The following GSR variants were observed in gnomAD, a reference collection of about 807,000 sequenced individuals.
The protein encoded by GSR is glutathione reductase, mitochondrial.
GSR carries 48 observed loss-of-function variants against 56.5 expected under a neutral mutation model. The ratio of observed to expected loss-of-function variants is 0.85; its 90% CI spans 0.67 to 1.08. The LOEUF (loss-of-function observed/expected upper bound fraction) is 1.08, where lower values mean the gene tolerates loss of function less well. Ranked by LOEUF, GSR falls within the 50% of genes least tolerant of loss-of-function variation. GSR has a pLI of 0.00. For missense variants in GSR, 694 were observed against 703.3 expected, an observed-to-expected ratio of 0.99 and a Z score of 0.15; for synonymous variants, 264 against 270.8, an observed-to-expected ratio of 0.97 and a Z score of 0.25.
intron 1 of GSR, among the ~76,000 whole-genome samples, chr8:30,721,632 G>A (rs1208542374): frequency 6.7e-6 from 1 of 149,568 alleles, no homozygotes; most frequent in Non-Finnish European, 1.5e-5. Flanking sequence ...CAGCCAGGGT[G>A]ACAGAGTGAG....
intron 1 of GSR, among the ~76,000 whole-genome samples, chr8:30,726,615 A>C (rs1804734741): frequency 6.6e-6 from 1 of 151,984 alleles, no homozygotes; most frequent in Non-Finnish European, 1.5e-5. Flanking sequence ...ATAATAATTA[A>C]CTAGGCGTGG....
Position 30,700,083 on chromosome 8 carries a change from G to C in GSR, c.693C>G (p.Pro231=). 1 of 1,611,938 alleles carries C rather than the reference G, an allele frequency of 6.2e-7. No homozygotes were observed. The highest frequency in any genetic ancestry group is 8.5e-7 in the Non-Finnish European group (1 of 1,178,080). ...SDGFFQLEEL[P]GRSVIVGAGY... is the part of the protein sequence containing the mutation. ...GAGGTCAGGTCAGGTTGGCTTACCC[G>C]GGCAATTCTTCCAGCTGAAAAAATC... is the stretch of plus-strand genomic sequence containing the variant. Residue 231 remains proline, a splice_region_variant and synonymous_variant, in exon 6 of 13, where the codon CCC becomes CCG. Coordinates refer to ENST00000221130, the MANE Select transcript of GSR (RefSeq NM_000637.5).
At chr8:30,712,210 T>C (rs1340227078) in intron 1 of GSR, 122 bp from the exon 2 acceptor site, 1 of 599,830 alleles carries the variant, frequency 1.7e-6, no homozygotes, top group Non-Finnish European at 3.1e-6. Flanking sequence ...AGTCACAGTG[T>C]ACTAAATTCT....
At chr8:30,722,838 T>C (rs891793361) in intron 1 of GSR, among the ~76,000 whole-genome samples, 3 of 152,058 alleles carry the variant, frequency 2.0e-5, no homozygotes, top group African/African-American at 7.2e-5. Context: ...GGTTATGATT[T>C]ACATGTTGCT....
chr8:30,690,939 G>A (rs2128740688), intron 8 of GSR, among the ~76,000 whole-genome samples: 1 of 152,078 alleles, frequency 6.6e-6, no homozygotes, highest in Admixed American at 6.6e-5. Context: ...ATGGTGGCAT[G>A]CACCTGTAGA....
chr8:30,716,588 G>T (rs900382420), intron 1 of GSR, among the ~76,000 whole-genome samples: 1 of 151,630 alleles, frequency 6.6e-6, no homozygotes, highest in South Asian at 2.1e-4. Context: ...CAGGTGGATC[G>T]CTTGAGGCCA....
chr8:30,712,903 C>T (rs995295928), intron 1 of GSR, among the ~76,000 whole-genome samples: 2 of 152,246 alleles, frequency 1.3e-5, no homozygotes, highest in East Asian at 1.9e-4. Flanking sequence ...TGTAGAAAAG[C>T]GAAATGCACA....
At chr8:30,686,410 G>A (rs916438201) in intron 9 of GSR, among the ~76,000 whole-genome samples, 3 of 151,948 alleles carry the variant, frequency 2.0e-5, no homozygotes, top group African/African-American at 7.3e-5. Context: ...TATAGGCTGG[G>A]TGCAATGGCT....
chr8:30,726,357 T>C (rs1563549010), intron 1 of GSR, among the ~76,000 whole-genome samples: 1 of 152,212 alleles, frequency 6.6e-6, no homozygotes, highest in South Asian at 2.1e-4. Flanking sequence ...CAAAGGAATT[T>C]AGAGAACCTA....
chr8:30,716,486 T>G (rs371000682), intron 1 of GSR, among the ~76,000 whole-genome samples: 3 of 152,322 alleles, frequency 2.0e-5, no homozygotes, highest in African/African-American at 7.2e-5. Flanking sequence ...ATGACATGAC[T>G]TCAGCGCCTC....
At chr8:30,699,719 C>T (rs1803664646) in intron 6 of GSR, among the ~76,000 whole-genome samples, 2 of 151,934 alleles carry the variant, frequency 1.3e-5, no homozygotes, top group African/African-American at 2.4e-5. Context: ...GCTAGGATTA[C>T]AGCCATGAGC....
chr8:30,695,431 A>C (rs1407590758), intron 7 of GSR, among the ~76,000 whole-genome samples: 4 of 151,802 alleles, frequency 2.6e-5, no homozygotes, highest in Non-Finnish European at 4.4e-5. Flanking sequence ...ATGGGGTTTC[A>C]CCATGTTGGC....
intron 1 of GSR, among the ~76,000 whole-genome samples, chr8:30,722,929 C>A (rs1804598452): frequency 6.6e-6 from 1 of 152,164 alleles, no homozygotes; most frequent in African/African-American, 2.4e-5. Context: ...CCCTACCTCT[C>A]TCTCCCCTAG....
In GSR at chr8:30,708,677, C is replaced by T. The variant is rs1425314632; in HGVS notation, c.423-536G>A. Among the ~76,000 whole-genome samples, 3 of 152,232 alleles carry T rather than the reference C, an allele frequency of 2.0e-5. No individual in the cohort carries two copies. The East Asian group carries it at 5.8e-4, about 29-fold the overall frequency. ...ACAATAACCAAAAGGTAAAAACAGGCCGGGCGCGGTGGCTCACGCCTGTAA... is the reference window on the plus strand; with the variant it reads ...ACAATAACCAAAAGGTAAAAACAGGTCGGGCGCGGTGGCTCACGCCTGTAA... On this transcript the variant is annotated intron_variant, in intron 3 of 12. Transcript: ENST00000221130.
At chr8:30,698,172 ATTAC>A (rs1370452196) in intron 6 of GSR, among the ~76,000 whole-genome samples, 2 of 152,308 alleles carry the variant, frequency 1.3e-5, no homozygotes, top group East Asian at 1.9e-4. Flanking sequence ...TTGCCCAGTT[ATTAC>A]TTATTCACCA....
chr8:30,705,641 AG>A (rs1803895302), intron 4 of GSR, among the ~76,000 whole-genome samples: 1 of 152,114 alleles, frequency 6.6e-6, no homozygotes, highest in Admixed American at 6.6e-5. Context: ...CTGAGGTGGG[AG>A]GATTGCTTGA....
At position 30,727,768 on chromosome 8, in the gene GSR, A is replaced by G; in HGVS notation, c.68T>C (p.Phe23Ser). The change falls in exon 1 of 13, where the codon TTC becomes TCC. Residue 23 changes from phenylalanine (F) to serine (S), a missense_variant. Coordinates refer to ENST00000221130, the MANE Select transcript of GSR (RefSeq NM_000637.5). Reference protein sequence around the residue: ...GPSWRRAARAFRGFLLLLPEP... With the variant: ...GPSWRRAARASRGFLLLLPEP... ...GGGCAGAAGCAGCAGGAAGCCTCGG[A>G]AGGCGCGCGCCGCCCGCCGCCAGCT... The G allele has an allele frequency of 6.6e-6, 9 of 1,369,312 alleles. No homozygotes were observed. The highest frequency in any genetic ancestry group is 8.5e-6 in the Non-Finnish European group (9 of 1,061,096). The allele number at this position is 1,369,312 out of a possible 1,614,324, so 84.8% of individuals were successfully genotyped here. A position where few individuals can be genotyped will look rare whatever the true frequency, so the allele number is the denominator to read the frequency against.
chr8:30,717,969 T>C (rs1804395403), intron 1 of GSR, among the ~76,000 whole-genome samples: 1 of 151,424 alleles, frequency 6.6e-6, no homozygotes, highest in African/African-American at 2.4e-5. Context: ...GGTGTGGTGG[T>C]GGGTGCCTGT....
intron 3 of GSR, 128 bp from the exon 4 acceptor site, chr8:30,708,269 T>A: frequency 4.0e-6 from 3 of 755,178 alleles, no homozygotes; most frequent in Admixed American, 1.8e-5. Flanking sequence ...AGTGAGTGAA[T>A]GTCTCCGAAG....
Sources: gnomAD v4.1 joint callset for allele counts (sites outside exome capture counted in the v4.1 genomes callset) on GRCh38, gnomAD v4.1.1 for gene constraint, MANE v1.5 for transcripts, NCBI Gene and HGNC (gene_info 2026-07-23, HGNC 2026-07-21) for gene names.